CTNND1: variants seen among roughly 807,000 people sequenced by gnomAD.
CTNND1 encodes catenin delta 1, also known as catenin delta-1.
CTNND1 carries 16 observed loss-of-function variants against 112.1 expected under a neutral mutation model. The ratio of observed to expected loss-of-function variants is 0.14; its 90% CI spans 0.10 to 0.22. The LOEUF is 0.22. Among genes scored for constraint, CTNND1 ranks in the 10% least tolerant of loss-of-function variants. CTNND1 has a pLI of 1.00. For missense variants in CTNND1, 1,008 were observed against 1,257.0 expected, an observed-to-expected ratio of 0.80 and a Z score of 3.00; for synonymous variants, 420 against 446.5, an observed-to-expected ratio of 0.94 and a Z score of 0.75.
chr11:57,775,927 G>A (rs944063322), intron 1 of CTNND1, among the ~76,000 whole-genome samples: 2 of 152,144 alleles, frequency 1.3e-5, no homozygotes, highest in Non-Finnish European at 1.5e-5. Flanking sequence ...TCTCTCAGAC[G>A]TTACTTTTAC....
At chr11:57,791,791 C>G (rs993848170) in intron 3 of CTNND1, 118 bp downstream of exon 3, 2 of 1,146,602 alleles carry the variant, frequency 1.7e-6, no homozygotes, top group Non-Finnish European at 2.3e-6. Context: ...GCCCGTTCTT[C>G]CAGGGATTTT....
Position 57,818,401 on chromosome 11 carries a change from TAAA to T in CTNND1, c.*2096_*2098del, listed in dbSNP as rs2064087957. 6.6e-6 allele frequency: 1 copy of T among 152,614 alleles called. No individual in the cohort carries two copies. The highest frequency in any genetic ancestry group is 2.4e-5 in the African/African-American group (1 of 41,430). The allele number at this position is 152,614 out of a possible 1,614,324, so 9.5% of individuals were successfully genotyped here. A position where few individuals can be genotyped will look rare whatever the true frequency, so the allele number is the denominator to read the frequency against. On this transcript the variant is annotated 3_prime_UTR_variant, in exon 21 of 21. Transcript: ENST00000399050. ...TTTCTTTCTGTCTTGTTAATGCTTT[TAAA>T]AACAAATGAGTTTTTTATATAAATA...
intron 9 of CTNND1, among the ~76,000 whole-genome samples, chr11:57,805,238 T>C (rs2062512925): frequency 6.6e-6 from 1 of 151,292 alleles, no homozygotes; most frequent in African/African-American, 2.4e-5. Context: ...ACTTAAAACA[T>C]GTTTTTTGTT....
chr11:57,763,033 A>G lies in CTNND1; in HGVS notation c.-214+914A>G, dbSNP rs1021376941. On this transcript the variant is annotated intron_variant, in intron 1 of 20. Coordinates refer to ENST00000399050, the MANE Select transcript of CTNND1 (RefSeq NM_001085458.2). The stretch of plus-strand genomic sequence containing the variant: ...TAAAATACATTTCAGAAAACAAGGG[A>G]GATTTTTATTTTTAAACCAACCTGA... Among the ~76,000 whole-genome samples the G allele has an allele frequency of 2.0e-4, 31 of 152,280 alleles. 1 individual carries two copies. The highest frequency in any genetic ancestry group is 7.0e-4 in the African/African-American group (29 of 41,562).
At chr11:57,805,294 G>A (rs1413557548) in intron 9 of CTNND1, among the ~76,000 whole-genome samples, 1 of 152,090 alleles carries the variant, frequency 6.6e-6, no homozygotes, top group Non-Finnish European at 1.5e-5. Context: ...GTCCCAGGCT[G>A]GAGTACAGTC....
chr11:57,803,697 T>C lies in CTNND1; in HGVS notation c.1497T>C (p.Asp499=). ...ACCATGCACTGCATGCCTTGACAGA[T>C]GAAGTGATCATTCCTCATTCTGGTT... ...IVDHALHALT[D]EVIIPHSGWE... is the part of the protein sequence containing the mutation. The change falls in exon 8 of 21, where the codon GAT becomes GAC. Residue 499 remains aspartate (D), a synonymous_variant. Transcript: ENST00000399050. The C allele has an allele frequency of 6.2e-7, 1 of 1,613,762 alleles. No individual in the cohort carries two copies. The highest frequency in any genetic ancestry group is 8.5e-7 in the Non-Finnish European group (1 of 1,179,804).
Position 57,811,304 on chromosome 11 carries a change from T to G in CTNND1, c.2551-95T>G, listed in dbSNP as rs200261556. 2.1e-5 allele frequency: 20 copies of G among 968,050 alleles called. No homozygotes were observed. The East Asian group carries it at 4.7e-4, about 23-fold the overall frequency. The allele number at this position is 968,050 out of a possible 1,614,324, so 60.0% of individuals were successfully genotyped here. On this transcript the variant is annotated intron_variant, in intron 16 of 20. Transcript: ENST00000399050. ...ATAAGTTGCTTTTTCATGATTCTAT[T>G]TGGGAATAGGAACCTAGAGGTTTAT...
intron 3 of CTNND1, among the ~76,000 whole-genome samples, chr11:57,792,750 C>G (rs189267601): frequency 6.6e-6 from 1 of 151,692 alleles, no homozygotes; most frequent in Non-Finnish European, 1.5e-5. Flanking sequence ...AGGATGGTCT[C>G]GATCTCTTGA....
chr11:57,773,834 CAGG>C (rs1953448586), intron 1 of CTNND1, among the ~76,000 whole-genome samples: 1 of 151,804 alleles, frequency 6.6e-6, no homozygotes, highest in Non-Finnish European at 1.5e-5. Flanking sequence ...TCCATATACT[CAGG>C]AGGCCGAGGC....
chr11:57,775,024 T>TC (rs1425740593), intron 1 of CTNND1, among the ~76,000 whole-genome samples: 1 of 151,860 alleles, frequency 6.6e-6, no homozygotes, highest in East Asian at 1.9e-4. Flanking sequence ...ATGAGGGTTT[T>TC]TTTTTTTTTT....
intron 17 of CTNND1, among the ~76,000 whole-genome samples, chr11:57,813,041 C>A (rs2063554205): frequency 6.6e-6 from 1 of 152,144 alleles, no homozygotes; most frequent in South Asian, 2.1e-4. Context: ...ACTGAAAAGA[C>A]TTTTCTAGGC....
At chr11:57,790,373 A>ATTTC (rs1464188982) in intron 2 of CTNND1, among the ~76,000 whole-genome samples, 1 of 143,848 alleles carries the variant, frequency 7.0e-6, no homozygotes, top group Non-Finnish European at 1.5e-5. Flanking sequence ...ACCTACTTTC[A>ATTTC]TTTCTTTCTT....
At chr11:57,802,994 C>T (rs771114115) in intron 7 of CTNND1, among the ~76,000 whole-genome samples, 2 of 152,174 alleles carry the variant, frequency 1.3e-5, no homozygotes, top group Non-Finnish European at 2.9e-5. Flanking sequence ...AAACATCCAA[C>T]AATAGACAAG....
At position 57,804,911 on chromosome 11, in the gene CTNND1, AT is replaced by A; in HGVS notation, c.1722+136del. On this transcript the variant is annotated intron_variant, in intron 9 of 20. Transcript: ENST00000399050. ...ATATTTATACTGTCCCCTACCCCTT[AT>A]TTTTGAGACAGAGTCTTGCTCTGTT... 5 of 653,852 alleles carry A rather than the reference AT, an allele frequency of 7.6e-6. No homozygotes were observed. In the South Asian group the frequency reaches 7.9e-5, roughly 10 times the overall value. 40.5% of individuals were successfully genotyped at this position (653,852 alleles called of 1,614,324 possible). A position where few individuals can be genotyped will look rare whatever the true frequency, so the allele number is the denominator to read the frequency against.
At chr11:57,782,595 G>C (rs1167551997) in intron 1 of CTNND1, among the ~76,000 whole-genome samples, 2 of 152,146 alleles carry the variant, frequency 1.3e-5, no homozygotes, top group African/African-American at 4.8e-5. Flanking sequence ...CCTTTGAGTG[G>C]CCAAAACTCA....
At chr11:57,809,892 G>T (rs1411610808) in intron 15 of CTNND1, among the ~76,000 whole-genome samples, 2 of 152,028 alleles carry the variant, frequency 1.3e-5, no homozygotes, top group Non-Finnish European at 2.9e-5. Context: ...TGTACTTTTA[G>T]TGGAGATGGG....
At chr11:57,770,390 C>A (rs758511433) in intron 1 of CTNND1, among the ~76,000 whole-genome samples, 3 of 150,868 alleles carry the variant, frequency 2.0e-5, no homozygotes, top group Non-Finnish European at 4.4e-5. Flanking sequence ...CTCGGTGGCT[C>A]ACACCTGTAA....
intron 8 of CTNND1, among the ~76,000 whole-genome samples, chr11:57,804,303 C>T (rs900427214): frequency 5.9e-5 from 9 of 152,124 alleles, no homozygotes; most frequent in African/African-American, 1.4e-4. Flanking sequence ...TTAAAGTTTT[C>T]CTGAATTCTT....
chr11:57,765,460 ATTTT>A (rs5792061), intron 1 of CTNND1, among the ~76,000 whole-genome samples: 6 of 105,596 alleles, frequency 5.7e-5, no homozygotes, highest in African/African-American at 1.4e-4. Flanking sequence ...TCCTCCCTTA[ATTTT>A]TTTTTTTTTT....
Sources: gnomAD v4.1 joint callset for allele counts (sites outside exome capture counted in the v4.1 genomes callset) on GRCh38, gnomAD v4.1.1 for gene constraint, MANE v1.5 for transcripts, NCBI Gene and HGNC (gene_info 2026-07-23, HGNC 2026-07-21) for gene names.